The following SLC10A7 variants were observed in gnomAD, a reference collection of about 807,000 sequenced individuals.
SLC10A7 encodes sodium/bile acid cotransporter 7.
SLC10A7 carries 29 observed loss-of-function variants against 43.2 expected under a neutral mutation model. The observed-to-expected ratio is 0.67, with a 90% CI of 0.50 to 0.92. SLC10A7 has a LOEUF of 0.92. SLC10A7 is among the 40% of genes least tolerant of loss of function. SLC10A7 has a pLI of 0.00. For synonymous variants in SLC10A7, 152 were observed against 144.8 expected (o/e 1.05, Z -0.35); for missense variants, 295 against 403.2 (o/e 0.73, Z 2.30).
rs1335511654 is a variant in SLC10A7 at position 146,303,642 on chromosome 4, AGT to A, written c.555+2282_555+2283del. Among the ~76,000 whole-genome samples, 7 of 152,262 alleles carry A rather than the reference AGT, an allele frequency of 4.6e-5. No individual in the cohort carries two copies. In the East Asian group the frequency reaches 1.2e-3, roughly 25 times the overall value. On this transcript the variant is annotated intron_variant, in intron 7 of 11. Transcript: ENST00000335472. ...TGATCCGCCCATCTCAGCCTTGCAA[AGT>A]GCTGGGATTATAGGCGTGAGCCACC...
intron 5 of SLC10A7, among the ~76,000 whole-genome samples, chr4:146,421,916 T>G (rs1728992647): frequency 6.6e-6 from 1 of 152,224 alleles, no homozygotes; most frequent in South Asian, 2.1e-4. Context: ...ATTGATGATA[T>G]CACACATTTG....
intron 6 of SLC10A7, among the ~76,000 whole-genome samples, chr4:146,312,294 T>C (rs1336595042): frequency 1.3e-5 from 2 of 152,144 alleles, no homozygotes; most frequent in Non-Finnish European, 2.9e-5. Context: ...CTTAGTTTTA[T>C]TGAGGTATAA....
intron 4 of SLC10A7, among the ~76,000 whole-genome samples, chr4:146,477,566 G>T (rs991474938): frequency 6.6e-6 from 1 of 152,108 alleles, no homozygotes; most frequent in African/African-American, 2.4e-5. Context: ...TCTAAGTAAT[G>T]CAAGATTATA....
At chr4:146,386,818 C>A (rs941866223) in intron 5 of SLC10A7, among the ~76,000 whole-genome samples, 1 of 152,094 alleles carries the variant, frequency 6.6e-6, no homozygotes, top group African/African-American at 2.4e-5. Flanking sequence ...CTTGGAAGGA[C>A]AATTATTTGT....
chr4:146,510,068 C>A lies in SLC10A7; in HGVS notation c.184-19G>T, dbSNP rs1342536400. Reference sequence around the variant, plus strand: ...TCAGCTCCTGGAAAAATTAAGGAAACAAAATAAACAAAGGTAAGAAAACTA... The same window carrying A: ...TCAGCTCCTGGAAAAATTAAGGAAAAAAAATAAACAAAGGTAAGAAAACTA... On this transcript the variant is annotated intron_variant, in intron 2 of 11. Transcript: ENST00000335472. 2 of 1,584,902 alleles carry A rather than the reference C, an allele frequency of 1.3e-6. No individual in the cohort carries two copies. Among genetic ancestry groups the A allele is most frequent in the Non-Finnish European group, 8.6e-7 (1 of 1,169,106 alleles).
chr4:146,438,849 TGTCA>T (rs1203203177), intron 5 of SLC10A7, among the ~76,000 whole-genome samples: 1 of 152,036 alleles, frequency 6.6e-6, no homozygotes, highest in Non-Finnish European at 1.5e-5. Flanking sequence ...TCCCAAAAGA[TGTCA>T]GTATCTATTT....
intron 5 of SLC10A7, among the ~76,000 whole-genome samples, chr4:146,327,605 C>T (rs1221820155): frequency 6.6e-6 from 1 of 152,146 alleles, no homozygotes; most frequent in African/African-American, 2.4e-5. Flanking sequence ...ATTAAACATC[C>T]ACTTATATAC....
chr4:146,397,448 A>T (rs2149812204), intron 5 of SLC10A7, among the ~76,000 whole-genome samples: 1 of 152,284 alleles, frequency 6.6e-6, no homozygotes, highest in East Asian at 1.9e-4. Context: ...ATAATTGATC[A>T]CTGGTAACCT....
At chr4:146,285,839 G>T (rs1729863644) in intron 9 of SLC10A7, among the ~76,000 whole-genome samples, 1 of 151,952 alleles carries the variant, frequency 6.6e-6, no homozygotes, top group Non-Finnish European at 1.5e-5. Flanking sequence ...GTGGTGAAAA[G>T]GACTGAATTT....
intron 3 of SLC10A7, among the ~76,000 whole-genome samples, chr4:146,504,136 T>G (rs1298683072): frequency 1.3e-5 from 2 of 152,176 alleles, no homozygotes; most frequent in Non-Finnish European, 2.9e-5. Context: ...TGCTATTCCA[T>G]AGGCTTGAGT....
chr4:146,405,621 T>A (rs1241093526), intron 5 of SLC10A7, among the ~76,000 whole-genome samples: 2 of 152,142 alleles, frequency 1.3e-5, no homozygotes, highest in African/African-American at 4.8e-5. Context: ...TGTTTTATAA[T>A]TGAGAAAAAC....
At chr4:146,435,011 T>A (rs1023619115) in intron 5 of SLC10A7, among the ~76,000 whole-genome samples, 4 of 36,766 alleles carry the variant, frequency 1.1e-4, no homozygotes, top group Non-Finnish European at 2.1e-4. Context: ...CAAGAATCAT[T>A]TTTTTTTTAA....
intron 8 of SLC10A7, 117 bp from the exon 9 acceptor site, chr4:146,293,097 A>G (rs1287319863): frequency 3.3e-6 from 2 of 610,156 alleles, no homozygotes; most frequent in East Asian, 3.1e-5. Context: ...AAACAAACAA[A>G]TAAACCAAAC....
intron 4 of SLC10A7, among the ~76,000 whole-genome samples, chr4:146,487,298 A>G (rs1214125227): frequency 1.3e-5 from 2 of 152,126 alleles, no homozygotes; most frequent in Non-Finnish European, 1.5e-5. Flanking sequence ...TTGCACATTT[A>G]CACTCACCTG....
intron 5 of SLC10A7, among the ~76,000 whole-genome samples, chr4:146,433,843 C>A (rs921764693): frequency 6.6e-6 from 1 of 152,184 alleles, no homozygotes; most frequent in East Asian, 1.9e-4. Context: ...CAGAGCCAAA[C>A]CCTGTCTCAA....
At chr4:146,421,857 C>T (rs1036998166) in intron 5 of SLC10A7, among the ~76,000 whole-genome samples, 2 of 152,212 alleles carry the variant, frequency 1.3e-5, no homozygotes, top group African/African-American at 4.8e-5. Flanking sequence ...TTAACATTCA[C>T]CAGCATCCTT....
chr4:146,382,998 T>A (rs1737739661), intron 5 of SLC10A7, among the ~76,000 whole-genome samples: 1 of 152,020 alleles, frequency 6.6e-6, no homozygotes, highest in East Asian at 1.9e-4. Context: ...TGCCTCCTCA[T>A]GCATGGCTCC....
chr4:146,290,249 A>G (rs770000293), intron 9 of SLC10A7, among the ~76,000 whole-genome samples: 6 of 147,494 alleles, frequency 4.1e-5, no homozygotes, highest in South Asian at 2.2e-4. Context: ...GCATGAACCC[A>G]GGAGGCGGAG....
intron 3 of SLC10A7, among the ~76,000 whole-genome samples, chr4:146,504,758 A>G (rs1269203138): frequency 6.6e-6 from 1 of 152,188 alleles, no homozygotes; most frequent in Non-Finnish European, 1.5e-5. Flanking sequence ...CACAAAAGAC[A>G]TTTTAACATT....
Sources: allele counts gnomAD v4.1 joint callset (sites outside exome capture counted in the v4.1 genomes callset), GRCh38; gene constraint gnomAD v4.1.1; transcripts MANE v1.5; gene names NCBI Gene and HGNC (gene_info 2026-07-23, HGNC 2026-07-21).